Variants in DNAH8 observed in about 807,000 individuals in gnomAD.
The protein encoded by DNAH8 is axonemal beta dynein heavy chain 8.
DNAH8 carries 382 observed loss-of-function variants against 562.1 expected under a neutral mutation model. The observed-to-expected ratio is 0.68, with a 90% CI of 0.63 to 0.74. The LOEUF is 0.74. Among genes scored for constraint, DNAH8 ranks in the 30% least tolerant of loss-of-function variants. The pLI is 0.00. For synonymous variants in DNAH8, 1,881 were observed against 1,919.4 expected (o/e 0.98, Z 0.52); for missense variants, 5,203 against 5,620.4 (o/e 0.93, Z 2.37).
Position 38,747,384 on chromosome 6 carries a change from C to CT in DNAH8, c.1294-3072dup, listed in dbSNP as rs55729629. 4.5e-3 allele frequency among the ~76,000 whole-genome samples: 509 copies of CT among 113,720 alleles called. 5 individuals carry two copies. The highest frequency in any genetic ancestry group is 0.015 in the African/African-American group (403 of 27,670). The allele number at this position is 113,720 out of a possible 152,430, so 74.6% of individuals were successfully genotyped here. ...TTTGTCATTTTCTTTTTTTCTTTTTCTTTTTTTTTTTTTTTTTTTTGAGGC... is the reference window on the plus strand; with the variant it reads ...TTTGTCATTTTCTTTTTTTCTTTTTCTTTTTTTTTTTTTTTTTTTTTGAGGC... On this transcript the variant is annotated intron_variant, in intron 8 of 92. Transcript: ENST00000327475.
At chr6:38,813,948 C>A in intron 24 of DNAH8, 106 bp from the exon 25 acceptor site, 2 of 818,648 alleles carry the variant, frequency 2.4e-6, no homozygotes, top group Non-Finnish European at 4.1e-6. Flanking sequence ...TGTAATTTGG[C>A]CTTTTAAAAA....
At chr6:38,907,845 A>G in intron 63 of DNAH8, 111 bp from the exon 64 acceptor site, 1 of 986,976 alleles carries the variant, frequency 1.0e-6, no homozygotes, top group East Asian at 2.9e-5. Flanking sequence ...ATGCTGAAAG[A>G]AAATATGAAA....
intron 11 of DNAH8, 69 bp from the exon 12 acceptor site, chr6:38,770,343 GT>G (rs1377586293): frequency 5.8e-6 from 6 of 1,038,090 alleles, no homozygotes; most frequent in Non-Finnish European, 8.4e-6. Context: ...TGAGGGTAGA[GT>G]TTTTGAATTT....
At chr6:38,927,674 TC>T (rs1254518620) in intron 74 of DNAH8, among the ~76,000 whole-genome samples, 1 of 152,106 alleles carries the variant, frequency 6.6e-6, no homozygotes, top group Admixed American at 6.6e-5. Flanking sequence ...CTCATCTTAT[TC>T]TTGGAACCTT....
At chr6:38,859,071 A>C (rs886118952) in intron 42 of DNAH8, among the ~76,000 whole-genome samples, 3 of 152,240 alleles carry the variant, frequency 2.0e-5, no homozygotes, top group Non-Finnish European at 4.4e-5. Flanking sequence ...TCCCAACTAA[A>C]TGAGATGTCA....
At chr6:38,732,952 GATCATGGCTT>G (rs549999239) in intron 4 of DNAH8, among the ~76,000 whole-genome samples, 96 of 152,178 alleles carry the variant, frequency 6.3e-4, no homozygotes, top group African/African-American at 2.2e-3. Context: ...GCAGTGGCAT[GATCATGGCTT>G]ATTGCACTCT....
At chr6:38,752,009 A>G (rs1460435983) in intron 9 of DNAH8, among the ~76,000 whole-genome samples, 4 of 152,252 alleles carry the variant, frequency 2.6e-5, no homozygotes, top group Middle Eastern at 3.2e-3. Flanking sequence ...TTCAAAGATT[A>G]GGAAACCGAG....
chr6:38,879,283 A>G (rs924854916), intron 53 of DNAH8, among the ~76,000 whole-genome samples: 1 of 146,100 alleles, frequency 6.8e-6, no homozygotes, highest in Non-Finnish European at 1.5e-5. Flanking sequence ...CCAGAGAAAG[A>G]CATTCCAAGA....
intron 56 of DNAH8, among the ~76,000 whole-genome samples, chr6:38,886,171 G>A (rs535782172): frequency 1.3e-5 from 2 of 152,260 alleles, no homozygotes; most frequent in East Asian, 3.9e-4. Context: ...AAAGAGCCCA[G>A]GATGGAACCC....
intron 66 of DNAH8, among the ~76,000 whole-genome samples, chr6:38,912,037 AG>A (rs1364800375): frequency 3.3e-5 from 5 of 152,268 alleles, no homozygotes; most frequent in African/African-American, 4.8e-5. Flanking sequence ...TGTGTACCTA[AG>A]CAAGAGTTTT....
At chr6:38,807,003 A>C (rs757030686) in intron 23 of DNAH8, among the ~76,000 whole-genome samples, 1 of 152,084 alleles carries the variant, frequency 6.6e-6, no homozygotes, top group Non-Finnish European at 1.5e-5. Context: ...GCCCCGATGT[A>C]TGACTCATTG....
chr6:39,021,522 A>G lies in DNAH8; in HGVS notation c.13715-5024A>G, dbSNP rs983450123. 2.0e-5 allele frequency among the ~76,000 whole-genome samples: 3 copies of G among 152,240 alleles called. No homozygotes were observed. In the East Asian group the frequency reaches 5.8e-4, roughly 29 times the overall value. On this transcript the variant is annotated intron_variant, in intron 91 of 92. Coordinates refer to ENST00000327475, the MANE Select transcript of DNAH8 (RefSeq NM_001206927.2). ...TTCAGCAGTTTAATGTCCCTGCCTT[A>G]CAGCAAAGAACCGGGGAAGGTGCTT...
rs751054755 is a variant in DNAH8 at position 38,838,035 on chromosome 6, A to G, written c.4459A>G (p.Lys1487Glu). The change falls in exon 33 of 93, where the codon AAA (lysine) becomes GAA (glutamate). Residue 1487 changes from lysine to glutamate, a missense_variant. By Grantham distance (56) the Lys-to-Glu change is moderately conservative (BLOSUM62 1). This residue lies in a region of DNAH8 where 2,176 missense variants were observed against 2,365.1 expected (regional missense o/e 0.92). Coordinates refer to ENST00000327475, the MANE Select transcript of DNAH8 (RefSeq NM_001206927.2). Reference protein sequence around the residue: ...LPVTDYEVLHKTRKELNLLQK... With the variant: ...LPVTDYEVLHETRKELNLLQK... ...TGTGACTGATTATGAGGTTTTACACAAAACCAGGTAAGTTTAGAAAATAAG... is the reference window on the plus strand; with the variant it reads ...TGTGACTGATTATGAGGTTTTACACGAAACCAGGTAAGTTTAGAAAATAAG... The G allele has an allele frequency of 1.2e-6, 2 of 1,603,220 alleles. No homozygotes were observed. The highest frequency in any genetic ancestry group is 2.2e-5 in the South Asian group (2 of 89,690).
chr6:38,922,873 T>C (rs1208894544), intron 71 of DNAH8, among the ~76,000 whole-genome samples, 185 bp from the exon 72 acceptor site: 1 of 152,218 alleles, frequency 6.6e-6, no homozygotes, highest in African/African-American at 2.4e-5. Context: ...TTTTATAAGG[T>C]AAAATCACTA....
In DNAH8 at chr6:38,907,880, G is replaced by A. The variant is rs1469877655; in HGVS notation, c.9349-76G>A. 6.6e-6 allele frequency: 8 copies of A among 1,210,412 alleles called. No homozygotes were observed. In the South Asian group the frequency reaches 1.4e-4, roughly 21 times the overall value. The allele number at this position is 1,210,412 out of a possible 1,614,324, so 75.0% of individuals were successfully genotyped here. A position where few individuals can be genotyped will look rare whatever the true frequency, so the allele number is the denominator to read the frequency against. ...ACAAGATGACATGCAAATTAAAAAA[G>A]GGACTGGACTTTGGCAGTGAATTGA... On this transcript the variant is annotated intron_variant, in intron 63 of 92. Coordinates refer to ENST00000327475, the MANE Select transcript of DNAH8 (RefSeq NM_001206927.2).
At chr6:38,782,180 A>C (rs1212391586) in intron 16 of DNAH8, among the ~76,000 whole-genome samples, 1 of 152,028 alleles carries the variant, frequency 6.6e-6, no homozygotes, top group Non-Finnish European at 1.5e-5. Context: ...TTGCTGATTG[A>C]CTTTGTGGTG....
In DNAH8 at chr6:38,974,679, T is replaced by C. The variant is rs1373705916; in HGVS notation, c.12834+150T>C. 8.0e-6 allele frequency: 5 copies of C among 623,674 alleles called. No individual in the cohort carries two copies. In the African/African-American group the frequency reaches 9.2e-5, roughly 11 times the overall value. 38.6% of individuals were successfully genotyped at this position (623,674 alleles called of 1,614,324 possible). A position where few individuals can be genotyped will look rare whatever the true frequency, so the allele number is the denominator to read the frequency against. Reference sequence around the variant, plus strand: ...AGCACTTTCCCCACCTGGTATAGTGTATATTTGTTTATGTATTTTGTGTGT... The same window carrying C: ...AGCACTTTCCCCACCTGGTATAGTGCATATTTGTTTATGTATTTTGTGTGT... On this transcript the variant is annotated intron_variant, in intron 85 of 92. Coordinates refer to ENST00000327475, the MANE Select transcript of DNAH8 (RefSeq NM_001206927.2).
chr6:38,881,566 T>A (rs1778492137), intron 53 of DNAH8, among the ~76,000 whole-genome samples: 2 of 130,380 alleles, frequency 1.5e-5, no homozygotes, highest in South Asian at 5.6e-4. Context: ...TTTTTTTTTT[T>A]TGAGACGGAG....
At chr6:38,940,130 G>C (rs78259068) in intron 79 of DNAH8, among the ~76,000 whole-genome samples, 2,255 of 152,274 alleles carry the variant, frequency 0.015, 57 homozygotes, top group African/African-American at 0.052. Context: ...ATTTAGGGAG[G>C]TGAACTTGGC....
Sources: gnomAD v4.1 joint callset for allele counts (sites outside exome capture counted in the v4.1 genomes callset) on GRCh38, gnomAD v4.1.1 for gene constraint, gnomAD v4.1.1 regional missense constraint, MANE v1.5 for transcripts, NCBI Gene and HGNC (gene_info 2026-07-23, HGNC 2026-07-21) for gene names.